WDR7: variants seen among roughly 807,000 people sequenced by gnomAD.
The protein encoded by WDR7 is WD repeat-containing protein 7.
Under a neutral mutation model 169.4 loss-of-function variants are expected in WDR7, and 46 were observed. That is an observed-to-expected ratio of 0.27 (90% CI 0.21 to 0.35). The LOEUF (loss-of-function observed/expected upper bound fraction) is 0.35. Among genes scored for constraint, WDR7 ranks in the 10% least tolerant of loss-of-function variants. WDR7 has a pLI of 1.00. For synonymous variants in WDR7, 612 were observed against 666.8 expected (o/e 0.92, Z 1.27); for missense variants, 1,534 against 1,859.3 (o/e 0.83, Z 3.22).
intron 13 of WDR7, among the ~76,000 whole-genome samples, chr18:56,725,364 A>G (rs2026423900): frequency 6.6e-6 from 1 of 151,488 alleles, no homozygotes; most frequent in African/African-American, 2.5e-5. Context: ...GTGAGATGGT[A>G]TCTCATTGTG....
chr18:56,673,574 C>G (rs1043778459), intron 2 of WDR7, among the ~76,000 whole-genome samples: 1 of 152,158 alleles, frequency 6.6e-6, no homozygotes, highest in African/African-American at 2.4e-5. Context: ...TGGCTCATGC[C>G]TGTAATCCCA....
intron 17 of WDR7, among the ~76,000 whole-genome samples, chr18:56,777,503 A>G (rs1275464909): frequency 1.3e-5 from 2 of 152,168 alleles, no homozygotes; most frequent in Non-Finnish European, 2.9e-5. Flanking sequence ...GGAGCCCTGA[A>G]AATGGGAATG....
At chr18:56,681,502 AACAAG>A in intron 4 of WDR7, 111 bp downstream of exon 4, 1 of 647,538 alleles carries the variant, frequency 1.5e-6, no homozygotes, top group Admixed American at 4.0e-5. Flanking sequence ...GGGTGGTAGT[AACAAG>A]ACAAGAAAAC....
At chr18:56,910,794 T>C (rs567696529) in intron 21 of WDR7, among the ~76,000 whole-genome samples, 16 of 152,226 alleles carry the variant, frequency 1.1e-4, no homozygotes, top group Non-Finnish European at 2.1e-4. Context: ...ATAGCTCAGA[T>C]AGTCGGGAAT....
At chr18:56,897,274 A>G (rs2046343401) in intron 21 of WDR7, among the ~76,000 whole-genome samples, 2 of 151,908 alleles carry the variant, frequency 1.3e-5, no homozygotes, top group Non-Finnish European at 2.9e-5. Flanking sequence ...ACCCTTTTCT[A>G]TATTTAGAGA....
At chr18:56,993,549 T>A (rs1173341345) in intron 26 of WDR7, among the ~76,000 whole-genome samples, 3 of 152,306 alleles carry the variant, frequency 2.0e-5, no homozygotes, top group African/African-American at 7.2e-5. Context: ...AAATTGAATT[T>A]GTATCAAAAG....
rs190536679 is a variant in WDR7, at chr18:56,907,488, T to C, written c.3527-16434T>C. 1.5e-4 allele frequency among the ~76,000 whole-genome samples: 23 copies of C among 152,252 alleles called. No homozygotes were observed. In the East Asian group the frequency reaches 4.4e-3, roughly 29 times the overall value. ...TAGTGTGGAGTAAACCATAATAACC[T>C]CTTTGAGGTTTGATTTTCTGATCTG... On this transcript the variant is annotated intron_variant, in intron 21 of 27. Transcript: ENST00000254442.
chr18:56,694,835 A>C, intron 10 of WDR7, 75 bp downstream of exon 10: 1 of 1,536,584 alleles, frequency 6.5e-7, no homozygotes, highest in Non-Finnish European at 8.8e-7. Flanking sequence ...TAACATTCAT[A>C]ATGTACATAT....
chr18:56,795,636 T>C (rs1050479055), intron 19 of WDR7, among the ~76,000 whole-genome samples: 3 of 152,174 alleles, frequency 2.0e-5, no homozygotes, highest in African/African-American at 7.2e-5. Flanking sequence ...ATACATGATA[T>C]GATTACCAAA....
chr18:56,990,393 C>T (rs111518057), intron 26 of WDR7, among the ~76,000 whole-genome samples: 2,591 of 152,314 alleles, frequency 0.017, 32 homozygotes, highest in Middle Eastern at 0.041. Context: ...CTAGTGAGAG[C>T]CACCTCACTC....
chr18:56,910,209 A>T (rs937440887), intron 21 of WDR7, among the ~76,000 whole-genome samples: 10 of 152,190 alleles, frequency 6.6e-5, no homozygotes, highest in African/African-American at 2.4e-4. Context: ...TTATAAATTC[A>T]TGACATGTTT....
intron 14 of WDR7, among the ~76,000 whole-genome samples, chr18:56,755,765 G>GGA (rs1324028046): frequency 1.3e-5 from 2 of 152,250 alleles, no homozygotes; most frequent in Non-Finnish European, 2.9e-5. Flanking sequence ...TGCCTGAGAG[G>GGA]GAGAGATTGA....
chr18:56,971,306 C>G (rs1326467527), intron 26 of WDR7, among the ~76,000 whole-genome samples: 1 of 151,316 alleles, frequency 6.6e-6, no homozygotes, highest in Admixed American at 6.6e-5. Flanking sequence ...AAAGGAACAC[C>G]CCCACTATTG....
intron 14 of WDR7, among the ~76,000 whole-genome samples, chr18:56,734,915 G>T (rs1252770951): frequency 1.3e-5 from 2 of 152,098 alleles, no homozygotes; most frequent in African/African-American, 4.8e-5. Flanking sequence ...AGTGAAAAAT[G>T]ATAATTGCTC....
chr18:56,825,490 G>A (rs1012131284), intron 20 of WDR7, among the ~76,000 whole-genome samples: 8 of 152,064 alleles, frequency 5.3e-5, no homozygotes, highest in South Asian at 2.1e-4. Flanking sequence ...TATTGCTTCC[G>A]TTTTACAGGA....
chr18:56,708,672 C>T lies in WDR7; in HGVS notation c.1579-9292C>T, dbSNP rs974229972. Among the ~76,000 whole-genome samples, 10 of 152,076 alleles carry T rather than the reference C, an allele frequency of 6.6e-5. 1 individual carries two copies. The East Asian group carries it at 1.2e-3, about 18-fold the overall frequency. On this transcript the variant is annotated intron_variant, in intron 12 of 27. Transcript: ENST00000254442. ...ATATAAGGTCAGGCGCGGTGGCTGACGCCTGTGATCCCAGCACTTTGGGAG... is the reference window on the plus strand; with the variant it reads ...ATATAAGGTCAGGCGCGGTGGCTGATGCCTGTGATCCCAGCACTTTGGGAG...
chr18:56,674,146 A>AGCGTG (rs1470805817), intron 2 of WDR7, among the ~76,000 whole-genome samples: 1 of 152,158 alleles, frequency 6.6e-6, no homozygotes, highest in Non-Finnish European at 1.5e-5. Context: ...TATACACCCG[A>AGCGTG]GCGTGGAATT....
At chr18:56,848,891 C>A (rs1379264692) in intron 20 of WDR7, among the ~76,000 whole-genome samples, 3 of 152,190 alleles carry the variant, frequency 2.0e-5, no homozygotes, top group Non-Finnish European at 2.9e-5. Flanking sequence ...CCTATTAAAT[C>A]TCTTTTCTTC....
intron 14 of WDR7, among the ~76,000 whole-genome samples, chr18:56,742,370 T>C (rs1254981964): frequency 1.3e-5 from 2 of 152,216 alleles, no homozygotes; most frequent in Non-Finnish European, 2.9e-5. Context: ...AAGTAATTTA[T>C]AAAAATATAC....
Sources: allele counts gnomAD v4.1 joint callset (sites outside exome capture counted in the v4.1 genomes callset), GRCh38; gene constraint gnomAD v4.1.1; transcripts MANE v1.5; gene names NCBI Gene and HGNC (gene_info 2026-07-23, HGNC 2026-07-21).